FAM216A: variants seen among roughly 807,000 people sequenced by gnomAD.
FAM216A encodes family with sequence similarity 216 member A.
FAM216A carries 26 observed loss-of-function variants against 37.6 expected under a neutral mutation model. That is an observed-to-expected ratio of 0.69 (90% CI 0.51 to 0.96). FAM216A has a LOEUF of 0.96. Among genes scored for constraint, FAM216A ranks in the 40% least tolerant of loss-of-function variants. The probability of loss-of-function intolerance (pLI) is 0.00; values close to 1 mark genes in which losing one functional copy is unlikely to be tolerated. For missense variants in FAM216A, 326 were observed against 339.3 expected, an observed-to-expected ratio of 0.96 and a Z score of 0.31; for synonymous variants, 110 against 121.7, an observed-to-expected ratio of 0.90 and a Z score of 0.64.
chr12:110,485,117 C>A lies in FAM216A; in HGVS notation c.224C>A (p.Ala75Asp). The change falls in exon 3 of 7, where the codon GCT becomes GAT. Residue 75 changes from alanine to aspartate, a missense_variant. Coordinates refer to ENST00000377673, the MANE Select transcript of FAM216A (RefSeq NM_013300.3). The part of the protein sequence containing the change: ...KDGYKVNSHI[A>D]KLQELWKTPQ... ...GGATACAAAGTGAACTCACACATAG[C>A]TAAGCTGCAAGAGTTATGGAAAACT... 1 of 1,612,398 alleles carries A rather than the reference C, an allele frequency of 6.2e-7. No homozygotes were observed. Among genetic ancestry groups the A allele is most frequent in the Non-Finnish European group, 8.5e-7 (1 of 1,179,174 alleles).
intron 2 of FAM216A, among the ~76,000 whole-genome samples, chr12:110,482,007 G>C (rs959063536): frequency 1.3e-5 from 2 of 151,902 alleles, no homozygotes; most frequent in African/African-American, 4.8e-5. Context: ...TAAATTTAAA[G>C]TTTAATACAA....
chr12:110,483,883 A>G (rs2062761731), intron 2 of FAM216A, among the ~76,000 whole-genome samples: 1 of 152,106 alleles, frequency 6.6e-6, no homozygotes, highest in African/African-American at 2.4e-5. Flanking sequence ...ATTTTGATAA[A>G]TTTCTGCAGT....
At chr12:110,474,773 G>A (rs1334494238) in intron 2 of FAM216A, among the ~76,000 whole-genome samples, 3 of 149,180 alleles carry the variant, frequency 2.0e-5, no homozygotes, top group Non-Finnish European at 4.5e-5. Context: ...AGGCTGAGGC[G>A]GGCAGATCAC....
Position 110,487,927 on chromosome 12 carries a change from A to G in FAM216A, c.687A>G (p.Lys229=), listed in dbSNP as rs139864249. ...TGAAGATTTTTAGAAGACCAAGGAA[A>G]CTGTTCATGCAAACAGGTAAATGTG... is the stretch of plus-strand genomic sequence containing the variant. ...KSLKIFRRPR[K]LFMQTVSSDD... The change falls in exon 6 of 7, where the codon AAA becomes AAG. Residue 229 remains lysine (K), a synonymous_variant. Coordinates refer to ENST00000377673, the MANE Select transcript of FAM216A (RefSeq NM_013300.3). 3.1e-5 allele frequency: 50 copies of G among 1,601,404 alleles called. No homozygotes were observed. The African/African-American group carries it at 5.2e-4, about 17-fold the overall frequency.
At chr12:110,474,339 A>G (rs2062703634) in intron 2 of FAM216A, among the ~76,000 whole-genome samples, 3 of 152,258 alleles carry the variant, frequency 2.0e-5, no homozygotes, top group Admixed American at 2.0e-4. Context: ...AAAAATTTCT[A>G]AACAAATATA....
chr12:110,489,478 TC>T (rs2062798322), intron 6 of FAM216A, among the ~76,000 whole-genome samples: 1 of 138,452 alleles, frequency 7.2e-6, no homozygotes, highest in South Asian at 2.2e-4. Flanking sequence ...CACTCTAGTC[TC>T]CAAAAAAAAA....
intron 3 of FAM216A, 105 bp from the exon 4 acceptor site, chr12:110,486,220 A>C: frequency 8.0e-7 from 1 of 1,244,468 alleles, no homozygotes; most frequent in Non-Finnish European, 1.1e-6. Flanking sequence ...CTAAAGTAAA[A>C]TACAGTTGGC....
intron 6 of FAM216A, among the ~76,000 whole-genome samples, chr12:110,488,844 T>C (rs2062792298): frequency 6.6e-6 from 1 of 152,218 alleles, no homozygotes; most frequent in Non-Finnish European, 1.5e-5. Flanking sequence ...AGAACAATTT[T>C]ATAACAATAT....
Position 110,485,143 on chromosome 12 carries a change from C to T in FAM216A, c.250C>T (p.Pro84Ser). ...IAKLQELWKT[P>S]QNQTIHLSKS... ...TAAGCTGCAAGAGTTATGGAAAACT[C>T]CCCAAAATCAAACAATCCACCTCTC... Residue 84 changes from proline to serine, a missense_variant, in exon 3 of 7, where the codon CCC becomes TCC. Physicochemically the swap from Pro to Ser is moderately conservative, Grantham distance 74 (BLOSUM62 -1). Coordinates refer to ENST00000377673, the MANE Select transcript of FAM216A (RefSeq NM_013300.3). 1.1e-5 allele frequency: 17 copies of T among 1,612,882 alleles called. No individual in the cohort carries two copies. The highest frequency in any genetic ancestry group is 1.4e-5 in the Non-Finnish European group (17 of 1,179,602).
intron 2 of FAM216A, among the ~76,000 whole-genome samples, chr12:110,484,812 G>C (rs568697094): frequency 2.9e-4 from 44 of 151,600 alleles, no homozygotes; most frequent in African/African-American, 1.0e-3. Context: ...GACTGCAGTG[G>C]CGCTATCCTG....
At chr12:110,482,748 T>C (rs2062754735) in intron 2 of FAM216A, among the ~76,000 whole-genome samples, 1 of 147,996 alleles carries the variant, frequency 6.8e-6, no homozygotes, top group Admixed American at 6.8e-5. Flanking sequence ...TGAGCCGAAA[T>C]GGCGCCACTG....
intron 2 of FAM216A, among the ~76,000 whole-genome samples, chr12:110,478,685 G>A (rs2062728885): frequency 6.6e-6 from 1 of 152,058 alleles, no homozygotes; most frequent in African/African-American, 2.4e-5. Context: ...ACCACTACAG[G>A]CTCCAGGCAC....
chr12:110,483,788 C>T (rs942780278), intron 2 of FAM216A, among the ~76,000 whole-genome samples: 21 of 151,966 alleles, frequency 1.4e-4, no homozygotes, highest in Non-Finnish European at 1.2e-4. Context: ...AGCACTCTAG[C>T]CTGGGCAATA....
In FAM216A at chr12:110,486,320, T is replaced by G; in HGVS notation, c.307-5T>G. The G allele has an allele frequency of 6.3e-7, 1 of 1,593,248 alleles. No homozygotes were observed. The highest frequency in any genetic ancestry group is 8.6e-7 in the Non-Finnish European group (1 of 1,167,430). Reference sequence around the variant, plus strand: ...GACTATAAATCCTCTTATTCTGTCTTTTAGCATCCAGACCTCACCACAGGC... The same window carrying G: ...GACTATAAATCCTCTTATTCTGTCTGTTAGCATCCAGACCTCACCACAGGC... On this transcript the variant is annotated splice_polypyrimidine_tract_variant and splice_region_variant and intron_variant, in intron 3 of 6. Coordinates refer to ENST00000377673, the MANE Select transcript of FAM216A (RefSeq NM_013300.3).
At chr12:110,489,089 C>A (rs2135558317) in intron 6 of FAM216A, among the ~76,000 whole-genome samples, 1 of 152,266 alleles carries the variant, frequency 6.6e-6, no homozygotes, top group Non-Finnish European at 1.5e-5. Context: ...GAACAAAATA[C>A]TGCAAAATGA....
intron 6 of FAM216A, among the ~76,000 whole-genome samples, chr12:110,489,664 G>A (rs1265929908): frequency 6.6e-6 from 1 of 152,112 alleles, no homozygotes; most frequent in Non-Finnish European, 1.5e-5. Flanking sequence ...ACTGTAGGGG[G>A]GGGAGTCCCT....
At chr12:110,485,239 G>A (rs2062771123) in intron 3 of FAM216A, 40 bp downstream of exon 3, 1 of 1,572,994 alleles carries the variant, frequency 6.4e-7, no homozygotes, top group Non-Finnish European at 8.6e-7. Context: ...AATACTCTTT[G>A]TATTCAGAGC....
rs764882117 is a variant in FAM216A, at chr12:110,485,164, C to T, written c.271C>T (p.Leu91Phe). 1.6e-5 allele frequency: 25 copies of T among 1,612,386 alleles called. No individual in the cohort carries two copies. In the South Asian group the frequency reaches 2.5e-4, roughly 16 times the overall value. Reference protein sequence around the residue: ...WKTPQNQTIHLSKSMMEASFF... With the variant: ...WKTPQNQTIHFSKSMMEASFF... Reference sequence around the variant, plus strand: ...AACTCCCCAAAATCAAACAATCCACCTCTCTAAATCAATGATGGAGGCGTC... The same window carrying T: ...AACTCCCCAAAATCAAACAATCCACTTCTCTAAATCAATGATGGAGGCGTC... The change falls in exon 3 of 7, where the codon CTC becomes TTC. Residue 91 changes from leucine to phenylalanine, a missense_variant. Coordinates refer to ENST00000377673, the MANE Select transcript of FAM216A (RefSeq NM_013300.3).
At chr12:110,469,251 G>T (rs1314453774) in intron 1 of FAM216A, 2 of 459,684 alleles carry the variant, frequency 4.4e-6, no homozygotes, top group Admixed American at 4.3e-5. Flanking sequence ...GGAGCGTTTG[G>T]TGCAGTGGCC....
Sources: gnomAD v4.1 joint callset for allele counts (sites outside exome capture counted in the v4.1 genomes callset) on GRCh38, gnomAD v4.1.1 for gene constraint, MANE v1.5 for transcripts, NCBI Gene and HGNC (gene_info 2026-07-23, HGNC 2026-07-21) for gene names.